Variants in SPATA17 observed in about 807,000 individuals in gnomAD.
The protein encoded by SPATA17 is spermatogenesis-associated protein 17.
A neutral mutation model predicts 62.2 loss-of-function variants in SPATA17; 53 were observed. The observed-to-expected ratio is 0.85, with a 90% CI of 0.68 to 1.07. The LOEUF (loss-of-function observed/expected upper bound fraction) is 1.07. Ranked by LOEUF, SPATA17 falls within the 50% of genes least tolerant of loss-of-function variation. The probability of loss-of-function intolerance (pLI) is 0.00; values close to 1 mark genes in which losing one functional copy is unlikely to be tolerated. For missense variants in SPATA17, 466 were observed against 425.5 expected, an observed-to-expected ratio of 1.10 and a Z score of -0.84; for synonymous variants, 146 against 146.8, an observed-to-expected ratio of 0.99 and a Z score of 0.04.
intron 6 of SPATA17, among the ~76,000 whole-genome samples, chr1:217,750,922 G>A (rs1029337801): frequency 6.6e-6 from 1 of 152,166 alleles, no homozygotes; most frequent in Admixed American, 6.5e-5. Context: ...GGCATCCTCA[G>A]TAAACCATGG....
At chr1:217,736,601 A>G (rs975152894) in intron 5 of SPATA17, among the ~76,000 whole-genome samples, 8 of 152,182 alleles carry the variant, frequency 5.3e-5, no homozygotes, top group Admixed American at 3.3e-4. Context: ...TAGGAAATGA[A>G]ATACAGCCAT....
At chr1:217,825,245 T>A (rs961384687) in intron 9 of SPATA17, among the ~76,000 whole-genome samples, 18 of 151,812 alleles carry the variant, frequency 1.2e-4, no homozygotes, top group Admixed American at 8.5e-4. Flanking sequence ...TCAATAAGAA[T>A]GCCAAAAGAA....
At chr1:217,790,166 C>T (rs1401576358) in intron 8 of SPATA17, among the ~76,000 whole-genome samples, 1 of 152,142 alleles carries the variant, frequency 6.6e-6, no homozygotes, top group Non-Finnish European at 1.5e-5. Context: ...TCTTCACTTC[C>T]CCCTTATCTG....
At chr1:217,850,318 T>G (rs1034050804) in intron 9 of SPATA17, 1 of 501,676 alleles carries the variant, frequency 2.0e-6, no homozygotes, top group African/African-American at 1.9e-5. Context: ...CTGAAACTTG[T>G]AATTTCTAAA....
At chr1:217,749,965 CTCTCTCTCTCTCTCTCTCTCTATA>C (rs1377118135) in intron 6 of SPATA17, among the ~76,000 whole-genome samples, 1 of 46,308 alleles carries the variant, frequency 2.2e-5, no homozygotes, top group Admixed American at 1.9e-4. Flanking sequence ...CTCTCTCTCT[CTCTCTCTCTCTCTCTCTCTCTATA>C]TATATATATA....
At chr1:217,847,083 C>G (rs1374781781) in intron 9 of SPATA17, among the ~76,000 whole-genome samples, 1 of 151,880 alleles carries the variant, frequency 6.6e-6, no homozygotes, top group East Asian at 1.9e-4. Context: ...GATTGTGTGA[C>G]TATGTCTATC....
At chr1:217,857,072 G>A (rs1350976875) in intron 9 of SPATA17, among the ~76,000 whole-genome samples, 1 of 152,126 alleles carries the variant, frequency 6.6e-6, no homozygotes, top group Non-Finnish European at 1.5e-5. Flanking sequence ...GAATATGTAA[G>A]ACATTATAAG....
At chr1:217,767,914 G>A (rs147580300) in intron 6 of SPATA17, among the ~76,000 whole-genome samples, 472 of 152,208 alleles carry the variant, frequency 3.1e-3, no homozygotes, top group African/African-American at 0.01. Context: ...TCACACACTA[G>A]TATGGCTTGC....
intron 1 of SPATA17, 87 bp downstream of exon 1, chr1:217,631,533 A>G: frequency 7.3e-7 from 1 of 1,375,718 alleles, no homozygotes; most frequent in African/African-American, 1.4e-5. Context: ...TTAACGATTT[A>G]ACGATTACCC....
chr1:217,739,460 A>G (rs143023234), intron 5 of SPATA17: 1 of 152,124 alleles, frequency 6.6e-6, no homozygotes, highest in Non-Finnish European at 1.5e-5. Flanking sequence ...AAGCTATGCC[A>G]TATATATCAC....
rs537253057 is a variant in SPATA17, at chr1:217,662,601, A to C, written c.241-6432A>C. ...ATGATTATTTAAAAGAGGAACAATGAAAGTTTTATTAACTTTAAATGGGAA... is the reference window on the plus strand; with the variant it reads ...ATGATTATTTAAAAGAGGAACAATGCAAGTTTTATTAACTTTAAATGGGAA... On this transcript the variant is annotated intron_variant, in intron 3 of 10. Coordinates refer to ENST00000366933, the MANE Select transcript of SPATA17 (RefSeq NM_138796.4). Among the ~76,000 whole-genome samples the C allele has an allele frequency of 2.0e-5, 3 of 152,320 alleles. No homozygotes were observed. The South Asian group carries it at 6.2e-4, about 32-fold the overall frequency.
At chr1:217,738,198 G>A (rs1161669188) in intron 5 of SPATA17, among the ~76,000 whole-genome samples, 1 of 152,172 alleles carries the variant, frequency 6.6e-6, no homozygotes, top group Non-Finnish European at 1.5e-5. Context: ...AGTAGTAGGT[G>A]GAGGACAGGG....
intron 5 of SPATA17, among the ~76,000 whole-genome samples, chr1:217,685,925 A>C (rs1353819040): frequency 2.0e-5 from 3 of 152,126 alleles, no homozygotes; most frequent in Non-Finnish European, 1.5e-5. Flanking sequence ...ATATTGTTAT[A>C]CTTGTTCTAT....
At chr1:217,792,333 T>C (rs1558052998) in intron 8 of SPATA17, among the ~76,000 whole-genome samples, 1 of 152,250 alleles carries the variant, frequency 6.6e-6, no homozygotes, top group Admixed American at 6.5e-5. Flanking sequence ...TTAAAAGATA[T>C]ATTGAGGAAT....
intron 5 of SPATA17, among the ~76,000 whole-genome samples, chr1:217,731,821 G>T (rs536317746): frequency 3.3e-5 from 5 of 152,114 alleles, no homozygotes; most frequent in South Asian, 2.1e-4. Context: ...ATGTATTTTA[G>T]ATATAATATT....
intron 5 of SPATA17, among the ~76,000 whole-genome samples, chr1:217,713,261 T>C (rs1468245064): frequency 2.0e-5 from 3 of 152,174 alleles, no homozygotes; most frequent in Admixed American, 1.3e-4. Flanking sequence ...GATGTTTTTT[T>C]TTTCCTAGTG....
Position 217,631,447 on chromosome 1 carries a change from G to GT in SPATA17, c.68+2dup. On this transcript the variant is annotated splice_donor_variant, in intron 1 of 10. Transcript: ENST00000366933. LOFTEE classifies it high-confidence loss of function. ...GAAATCAGTACTACTTTAGGAACAG[G>GT]TAAGTCAGGAAGAGAAGGATCGCGT... 2.5e-6 allele frequency: 4 copies of GT among 1,614,134 alleles called. No homozygotes were observed. The highest frequency in any genetic ancestry group is 3.4e-6 in the Non-Finnish European group (4 of 1,180,008).
chr1:217,867,434 T>A lies in SPATA17; in HGVS notation c.*415T>A, dbSNP rs1676039113. 6.6e-6 allele frequency: 1 copy of A among 152,204 alleles called. No individual in the cohort carries two copies. Among genetic ancestry groups the A allele is most frequent in the South Asian group, 2.1e-4 (1 of 4,822 alleles). The allele number at this position is 152,204 out of a possible 1,614,324, so 9.4% of individuals were successfully genotyped here. ...GTAAATTGTGTGAAATAGTTCAGCA[T>A]GAAAGCTCTGCCCTGAGAAATAATG... On this transcript the variant is annotated 3_prime_UTR_variant, in exon 11 of 11. Coordinates refer to ENST00000366933, the MANE Select transcript of SPATA17 (RefSeq NM_138796.4).
chr1:217,693,401 G>T (rs546497193), intron 5 of SPATA17, among the ~76,000 whole-genome samples: 10,477 of 116,916 alleles, frequency 0.09, 575 homozygotes, highest in Non-Finnish European at 0.13. Context: ...TATTAGTCTT[G>T]CTAGCGGTCT....
Sources: gnomAD v4.1 joint callset for allele counts (sites outside exome capture counted in the v4.1 genomes callset) on GRCh38, gnomAD v4.1.1 for gene constraint, MANE v1.5 for transcripts, NCBI Gene and HGNC (gene_info 2026-07-23, HGNC 2026-07-21) for gene names.